The following ZRANB3 variants were observed in gnomAD, a reference collection of about 807,000 sequenced individuals.
ZRANB3 encodes zinc finger RANBP2-type containing 3, also known as DNA annealing helicase and endonuclease ZRANB3.
A neutral mutation model predicts 133.8 loss-of-function variants in ZRANB3; 125 were observed. That is an observed-to-expected ratio of 0.93 (90% CI 0.81 to 1.08). ZRANB3 has a LOEUF of 1.08. Among genes scored for constraint, ZRANB3 ranks in the 50% least tolerant of loss-of-function variants. The pLI, the probability that ZRANB3 is intolerant of heterozygous loss-of-function variation, is 0.00. For synonymous variants in ZRANB3, 387 were observed against 432.7 expected (o/e 0.89, Z 1.31); for missense variants, 1,229 against 1,275.5 (o/e 0.96, Z 0.56).
chr2:135,226,839 T>C (rs1694778073), intron 14 of ZRANB3, among the ~76,000 whole-genome samples: 1 of 138,298 alleles, frequency 7.2e-6, no homozygotes. Context: ...CAAAAGAGTA[T>C]AACCCACCTG....
chr2:135,346,500 T>G (rs1434217222), intron 5 of ZRANB3, among the ~76,000 whole-genome samples: 1 of 152,210 alleles, frequency 6.6e-6, no homozygotes, highest in African/African-American at 2.4e-5. Flanking sequence ...TTTATATCTG[T>G]ATCTATTAAT....
intron 8 of ZRANB3, among the ~76,000 whole-genome samples, chr2:135,298,531 C>A (rs1175422549): frequency 6.6e-6 from 1 of 152,122 alleles, no homozygotes; most frequent in African/African-American, 2.4e-5. Flanking sequence ...GTGGTGCTCG[C>A]CCCCTTCCCC....
At chr2:135,233,776 A>C (rs1158759715) in intron 12 of ZRANB3, among the ~76,000 whole-genome samples, 2 of 152,236 alleles carry the variant, frequency 1.3e-5, no homozygotes, top group Non-Finnish European at 2.9e-5. Context: ...CCTGCCCTAA[A>C]AGAGCTCCTG....
chr2:135,510,882 G>C (rs1293506409), intron 1 of ZRANB3: 1 of 1,208,666 alleles, frequency 8.3e-7, no homozygotes, highest in East Asian at 2.3e-5. Flanking sequence ...TTTAAGCTCT[G>C]ATTTGTCCAC....
In ZRANB3 at chr2:135,269,070, T is replaced by C. The variant is rs760829516; in HGVS notation, c.1278A>G (p.Gln426=). ...CAATTCTGTGAGCTCGGTCTTCTGC[T>C]TGTTTTATATGTCCAGGGTCCCAGT... ...ELYWDPGHIK[Q]AEDRAHRIGQ... The change falls in exon 11 of 21, where the codon CAA becomes CAG. Residue 426 remains glutamine (Q), a synonymous_variant. Transcript: ENST00000264159. 4 of 1,613,136 alleles carry C rather than the reference T, an allele frequency of 2.5e-6. No individual in the cohort carries two copies. The Admixed American group carries it at 6.7e-5, about 27-fold the overall frequency.
chr2:135,355,582 C>T (rs1685397384), intron 3 of ZRANB3, among the ~76,000 whole-genome samples: 1 of 152,054 alleles, frequency 6.6e-6, no homozygotes, highest in African/African-American at 2.4e-5. Context: ...GTCTCAAACT[C>T]CCGACCTCAG....
chr2:135,334,781 G>A (rs1684296732), intron 6 of ZRANB3, among the ~76,000 whole-genome samples: 1 of 151,970 alleles, frequency 6.6e-6, no homozygotes, highest in South Asian at 2.1e-4. Flanking sequence ...TGTAGTCCCA[G>A]CTACTTAGGA....
intron 2 of ZRANB3, among the ~76,000 whole-genome samples, chr2:135,502,228 C>T (rs904090816): frequency 6.6e-6 from 1 of 151,878 alleles, no homozygotes; most frequent in Non-Finnish European, 1.5e-5. Flanking sequence ...TCATGCTTTC[C>T]GAAAAGAAAG....
At chr2:135,226,761 T>C (rs1169209343) in intron 14 of ZRANB3, among the ~76,000 whole-genome samples, 1 of 152,206 alleles carries the variant, frequency 6.6e-6, no homozygotes, top group Non-Finnish European at 1.5e-5. Context: ...AGCCATATGC[T>C]GTCCCATTAC....
At chr2:135,512,243 G>A (rs373090416) in intron 1 of ZRANB3, among the ~76,000 whole-genome samples, 1 of 151,988 alleles carries the variant, frequency 6.6e-6, no homozygotes, top group Non-Finnish European at 1.5e-5. Context: ...TATCTTTTTA[G>A]GTCAAGATAG....
At chr2:135,528,496 A>G (rs556748748) in intron 1 of ZRANB3, among the ~76,000 whole-genome samples, 2 of 152,280 alleles carry the variant, frequency 1.3e-5, no homozygotes, top group African/African-American at 4.8e-5. Flanking sequence ...TTCAAATATA[A>G]AAATGTCAAG....
intron 2 of ZRANB3, among the ~76,000 whole-genome samples, chr2:135,491,605 C>T (rs1365453362): frequency 1.3e-5 from 2 of 152,146 alleles, no homozygotes; most frequent in African/African-American, 4.8e-5. Context: ...CCTCCACCTC[C>T]CTGGTTCAAG....
intron 2 of ZRANB3, among the ~76,000 whole-genome samples, chr2:135,405,028 T>C (rs1002500664): frequency 5.9e-5 from 9 of 152,006 alleles, no homozygotes; most frequent in African/African-American, 4.8e-5. Flanking sequence ...GACTGGCAAA[T>C]TGGATAAAGA....
Position 135,288,645 on chromosome 2 carries a change from T to C in ZRANB3, c.967-12890A>G, listed in dbSNP as rs145462545. 8.6e-3 allele frequency among the ~76,000 whole-genome samples: 1,303 copies of C among 152,306 alleles called. 7 individuals carry two copies. The highest frequency in any genetic ancestry group is 0.048 in the Middle Eastern group (14 of 294). On this transcript the variant is annotated intron_variant, in intron 8 of 20. Transcript: ENST00000264159. ...TGGTTTAATCTAGGAGTGTTGTATA[T>C]TTCCAGGAATTTATCCATGTCTTCT...
intron 6 of ZRANB3, among the ~76,000 whole-genome samples, chr2:135,331,534 T>C (rs1684138843): frequency 6.6e-6 from 1 of 152,330 alleles, no homozygotes; most frequent in Admixed American, 6.5e-5. Flanking sequence ...GTATATTCTG[T>C]TGATTTGGGG....
intron 3 of ZRANB3, among the ~76,000 whole-genome samples, chr2:135,378,041 G>A (rs933329758): frequency 1.3e-5 from 2 of 152,210 alleles, no homozygotes; most frequent in Non-Finnish European, 2.9e-5. Flanking sequence ...TTCTTCAGTT[G>A]TGGAACTAGA....
At chr2:135,215,446 G>A (rs982425693) in intron 17 of ZRANB3, among the ~76,000 whole-genome samples, 8 of 151,634 alleles carry the variant, frequency 5.3e-5, no homozygotes, top group African/African-American at 1.9e-4. Context: ...TAGAGATGAG[G>A]TTTTGCCATG....
chr2:135,276,234 GTTTT>G (rs79341754), intron 8 of ZRANB3, among the ~76,000 whole-genome samples: 2 of 128,856 alleles, frequency 1.6e-5, no homozygotes, highest in African/African-American at 2.8e-5. Flanking sequence ...TTTAAGGAAA[GTTTT>G]TTTTTTTTTT....
At chr2:135,337,206 C>G (rs935368599) in intron 6 of ZRANB3, among the ~76,000 whole-genome samples, 1 of 152,148 alleles carries the variant, frequency 6.6e-6, no homozygotes, top group Non-Finnish European at 1.5e-5. Context: ...GTAGGTAGGA[C>G]AACATGCTTC....
Sources: allele counts gnomAD v4.1 joint callset (sites outside exome capture counted in the v4.1 genomes callset), GRCh38; gene constraint gnomAD v4.1.1; transcripts MANE v1.5; gene names NCBI Gene and HGNC (gene_info 2026-07-23, HGNC 2026-07-21).